PPFIA2: variants seen among roughly 807,000 people sequenced by gnomAD.
PPFIA2 encodes the protein liprin-alpha-2.
Under a neutral mutation model 175.5 loss-of-function variants are expected in PPFIA2, and 46 were observed. The observed-to-expected ratio is 0.26, with a 90% confidence interval of 0.21 to 0.34. The LOEUF (loss-of-function observed/expected upper bound fraction) is 0.34, where lower values mean the gene tolerates loss of function less well. Among genes scored for constraint, PPFIA2 ranks in the 10% least tolerant of loss-of-function variants. The pLI is 1.00. For synonymous variants in PPFIA2, 568 were observed against 511.4 expected (o/e 1.11, Z -1.49); for missense variants, 1,179 against 1,506.1 (o/e 0.78, Z 3.60).
chr12:81,544,316 TC>T (rs1433324218), intron 4 of PPFIA2, among the ~76,000 whole-genome samples: 16 of 152,118 alleles, frequency 1.1e-4, no homozygotes, highest in Non-Finnish European at 2.9e-5. Flanking sequence ...TTCATTATCT[TC>T]CCCAGAACTG....
chr12:81,263,989 G>A (rs930573455), intron 30 of PPFIA2, among the ~76,000 whole-genome samples: 1 of 152,112 alleles, frequency 6.6e-6, no homozygotes, highest in Non-Finnish European at 1.5e-5. Flanking sequence ...GTGTAGCCTG[G>A]ACACCATCCT....
rs191054145 is a variant in PPFIA2 at position 81,631,133 on chromosome 12, C to T, written c.303+45658G>A. 5.1e-3 allele frequency among the ~76,000 whole-genome samples: 770 copies of T among 152,010 alleles called. 3 individuals are homozygous for T. Among genetic ancestry groups the T allele is most frequent in the African/African-American group, 0.014 (582 of 41,478 alleles). ...CTGATCTCAAACTCCTGGGCTCAAG[C>T]GAGCCACCTGCCTCAGTTTCCCAAA... On this transcript the variant is annotated intron_variant, in intron 4 of 32. Transcript: ENST00000549396.
In PPFIA2 at chr12:81,438,634, T is replaced by A. The variant is rs150193370; in HGVS notation, c.645+1338A>T. On this transcript the variant is annotated intron_variant, in intron 7 of 32. Coordinates refer to ENST00000549396, the MANE Select transcript of PPFIA2 (RefSeq NM_003625.5). ...TTTATAAGACTTATCTTTACTGATATTAGCCTCATATATTTTTATAAATCT... is the reference window on the plus strand; with the variant it reads ...TTTATAAGACTTATCTTTACTGATAATAGCCTCATATATTTTTATAAATCT... 2.3e-3 allele frequency among the ~76,000 whole-genome samples: 348 copies of A among 152,290 alleles called. 5 individuals carry two copies. In the East Asian group the frequency reaches 0.028, roughly 12 times the overall value.
chr12:81,559,881 T>G (rs1007193695), intron 4 of PPFIA2, among the ~76,000 whole-genome samples: 1 of 152,110 alleles, frequency 6.6e-6, no homozygotes, highest in African/African-American at 2.4e-5. Flanking sequence ...ACACATCGTT[T>G]CAAATAAATT....
chr12:81,639,940 CA>C (rs2064726869), intron 4 of PPFIA2, among the ~76,000 whole-genome samples: 1 of 152,078 alleles, frequency 6.6e-6, no homozygotes, highest in African/African-American at 2.4e-5. Flanking sequence ...CTTTTGAAGG[CA>C]GCAGAAGATG....
At chr12:81,328,177 C>T (rs971499401) in intron 21 of PPFIA2, among the ~76,000 whole-genome samples, 1 of 152,094 alleles carries the variant, frequency 6.6e-6, no homozygotes, top group African/African-American at 2.4e-5. Context: ...GTAAGGGTGA[C>T]CTTAGCCAAA....
chr12:81,415,210 A>T (rs12314825), intron 7 of PPFIA2, among the ~76,000 whole-genome samples: 65 of 17,258 alleles, frequency 3.8e-3, no homozygotes, highest in African/African-American at 7.0e-3. Context: ...AAAAAAAAAA[A>T]ATATATATAT....
At chr12:81,547,695 A>T (rs2153360323) in intron 4 of PPFIA2, among the ~76,000 whole-genome samples, 1 of 152,290 alleles carries the variant, frequency 6.6e-6, no homozygotes, top group African/African-American at 2.4e-5. Context: ...AATTGGGTGC[A>T]AGTCCACCAT....
At chr12:81,676,972 A>G (rs969806349) in intron 3 of PPFIA2, 128 bp from the exon 4 acceptor site, 2 of 551,168 alleles carry the variant, frequency 3.6e-6, no homozygotes, top group Admixed American at 8.4e-5. Flanking sequence ...ATTTTTTTGC[A>G]ATCTTGGACA....
At chr12:81,512,900 T>C (rs774347897) in intron 4 of PPFIA2, among the ~76,000 whole-genome samples, 5 of 152,000 alleles carry the variant, frequency 3.3e-5, no homozygotes, top group African/African-American at 7.2e-5. Flanking sequence ...CTGAGTAGTA[T>C]TCCATGGTGT....
chr12:81,320,440 A>G (rs1393860116), intron 22 of PPFIA2, among the ~76,000 whole-genome samples: 1 of 152,074 alleles, frequency 6.6e-6, no homozygotes, highest in East Asian at 1.9e-4. Context: ...AATGATATTG[A>G]AAAATTTGTT....
chr12:81,734,573 G>C (rs548065582), intron 3 of PPFIA2, among the ~76,000 whole-genome samples: 1 of 151,860 alleles, frequency 6.6e-6, no homozygotes, highest in African/African-American at 2.4e-5. Flanking sequence ...AATTTCCAGA[G>C]AAGATGTCAT....
intron 3 of PPFIA2, among the ~76,000 whole-genome samples, chr12:81,750,264 A>G (rs1263589357): frequency 6.9e-6 from 1 of 144,074 alleles, no homozygotes; most frequent in Non-Finnish European, 1.6e-5. Flanking sequence ...TTATTCAAGC[A>G]TATAATGTGA....
intron 15 of PPFIA2, among the ~76,000 whole-genome samples, chr12:81,361,402 A>C (rs1209461036): frequency 6.6e-6 from 1 of 151,728 alleles, no homozygotes; most frequent in Non-Finnish European, 1.5e-5. Context: ...ATTTCAGTTC[A>C]CATGTAAAAA....
At chr12:81,521,651 C>CAAAAAAAAA (rs1167533871) in intron 4 of PPFIA2, among the ~76,000 whole-genome samples, 8 of 87,474 alleles carry the variant, frequency 9.1e-5, no homozygotes, top group African/African-American at 2.0e-4. Flanking sequence ...TAATAAAATA[C>CAAAAAAAAA]AAAAAAAAAA....
chr12:81,727,927 C>G (rs1290246566), intron 3 of PPFIA2, among the ~76,000 whole-genome samples: 2 of 151,334 alleles, frequency 1.3e-5, no homozygotes, highest in East Asian at 3.9e-4. Flanking sequence ...AAGTTACTAC[C>G]TATTTCTATT....
At position 81,603,141 on chromosome 12, in the gene PPFIA2, G is replaced by A. The variant is rs868432967; in HGVS notation, c.303+73650C>T. On this transcript the variant is annotated intron_variant, in intron 4 of 32. Coordinates refer to ENST00000549396, the MANE Select transcript of PPFIA2 (RefSeq NM_003625.5). Reference sequence around the variant, plus strand: ...GTAGAGGAAAAAATTCAGTGACCACGCTGAGTTCATTGTTCCTTAATAAGC... The same window carrying A: ...GTAGAGGAAAAAATTCAGTGACCACACTGAGTTCATTGTTCCTTAATAAGC... Among the ~76,000 whole-genome samples, 10 of 151,820 alleles carry A rather than the reference G, an allele frequency of 6.6e-5. No homozygotes were observed. The South Asian group carries it at 1.9e-3, about 28-fold the overall frequency.
intron 16 of PPFIA2, 122 bp from the exon 17 acceptor site, chr12:81,353,461 AT>A: frequency 1.5e-6 from 1 of 646,832 alleles, no homozygotes; most frequent in Non-Finnish European, 2.7e-6. Context: ...AACTGAACCA[AT>A]TATTAACATT....
chr12:81,370,743 A>G (rs2034874653), intron 11 of PPFIA2, among the ~76,000 whole-genome samples: 1 of 151,916 alleles, frequency 6.6e-6, no homozygotes, highest in Non-Finnish European at 1.5e-5. Context: ...GACATTGCTG[A>G]TAGCAAAATT....
Sources: allele counts gnomAD v4.1 joint callset (sites outside exome capture counted in the v4.1 genomes callset), GRCh38; gene constraint gnomAD v4.1.1; transcripts MANE v1.5; gene names NCBI Gene and HGNC (gene_info 2026-07-23, HGNC 2026-07-21).